Variants in PRKCB observed in about 807,000 individuals in gnomAD.
The protein encoded by PRKCB is protein kinase C beta.
A neutral mutation model predicts 81.5 loss-of-function variants in PRKCB; 13 were observed. That is an observed-to-expected ratio of 0.16 (90% CI 0.10 to 0.25). The LOEUF is 0.25. Among genes scored for constraint, PRKCB ranks in the 10% least tolerant of loss-of-function variants. The pLI, the probability that PRKCB is intolerant of heterozygous loss-of-function variation, is 1.00. For missense variants in PRKCB, 509 were observed against 875.7 expected (o/e 0.58, Z 5.29); for synonymous variants, 335 against 321.4 (o/e 1.04, Z -0.45).
intron 8 of PRKCB, among the ~76,000 whole-genome samples, chr16:24,114,255 C>T (rs1475184271): frequency 1.0e-4 from 14 of 137,226 alleles, no homozygotes; most frequent in African/African-American, 1.6e-4. Flanking sequence ...GGCAACAGAG[C>T]GAGACTTCAT....
chr16:23,858,992 G>A (rs769484729), intron 2 of PRKCB, among the ~76,000 whole-genome samples: 30 of 152,146 alleles, frequency 2.0e-4, no homozygotes, highest in Non-Finnish European at 2.1e-4. Flanking sequence ...TGAGCTAGGT[G>A]TGGTGGCTCG....
intron 16 of PRKCB, among the ~76,000 whole-genome samples, chr16:24,194,631 C>T (rs1036359591): frequency 2.0e-5 from 3 of 151,858 alleles, no homozygotes; most frequent in African/African-American, 7.3e-5. Flanking sequence ...TAGCCTCGTG[C>T]CTGGCTCATA....
At chr16:24,197,154 G>T (rs1053290280) in intron 16 of PRKCB, among the ~76,000 whole-genome samples, 3 of 152,208 alleles carry the variant, frequency 2.0e-5, no homozygotes, top group Admixed American at 6.5e-5. Context: ...CCTTCATGGA[G>T]CTTATATTCT....
chr16:24,096,915 T>TA (rs1567373055), intron 7 of PRKCB, among the ~76,000 whole-genome samples: 1 of 150,994 alleles, frequency 6.6e-6, no homozygotes, highest in Non-Finnish European at 1.5e-5. Flanking sequence ...TGAAAGAAAA[T>TA]AAAAATCAAA....
intron 7 of PRKCB, among the ~76,000 whole-genome samples, chr16:24,103,472 T>C (rs995921334): frequency 6.6e-6 from 1 of 152,242 alleles, no homozygotes; most frequent in African/African-American, 2.4e-5. Flanking sequence ...TGTTCAATGT[T>C]GTTAAAAGTT....
intron 16 of PRKCB, among the ~76,000 whole-genome samples, chr16:24,194,249 C>A (rs1043854360): frequency 6.6e-6 from 1 of 152,102 alleles, no homozygotes; most frequent in African/African-American, 2.4e-5. Flanking sequence ...ATCGCTTGAA[C>A]CTGGAGGCAG....
At chr16:24,105,211 C>A (rs1291674188) in intron 7 of PRKCB, among the ~76,000 whole-genome samples, 1 of 152,104 alleles carries the variant, frequency 6.6e-6, no homozygotes, top group Non-Finnish European at 1.5e-5. Context: ...CATGGGCCAC[C>A]ACACCCATCT....
intron 2 of PRKCB, among the ~76,000 whole-genome samples, chr16:23,976,155 A>T (rs1000291674): frequency 3.9e-5 from 6 of 152,092 alleles, no homozygotes; most frequent in Non-Finnish European, 8.8e-5. Context: ...AAAGAAAAAA[A>T]AATTCAGGTG....
intron 9 of PRKCB, among the ~76,000 whole-genome samples, chr16:24,144,134 A>G (rs1966952312): frequency 6.6e-6 from 1 of 150,580 alleles, no homozygotes; most frequent in South Asian, 2.1e-4. Flanking sequence ...TAGGAGAGAG[A>G]GAAAGAGAGA....
chr16:24,035,783 A>G (rs1174699179), intron 5 of PRKCB, among the ~76,000 whole-genome samples: 2 of 152,148 alleles, frequency 1.3e-5, no homozygotes, highest in African/African-American at 4.8e-5. Flanking sequence ...CCCCAGGCTG[A>G]CTTGGGTTCA....
At chr16:23,846,608 C>CAAAAAAAA in intron 2 of PRKCB, among the ~76,000 whole-genome samples, 1 of 65,328 alleles carries the variant, frequency 1.5e-5, no homozygotes, top group Non-Finnish European at 2.7e-5. Context: ...GACTCCGTCT[C>CAAAAAAAA]AAAAAAAAAA....
At chr16:24,114,815 AT>A (rs1247112305) in intron 8 of PRKCB, among the ~76,000 whole-genome samples, 2 of 152,128 alleles carry the variant, frequency 1.3e-5, no homozygotes, top group Admixed American at 1.3e-4. Flanking sequence ...AATGAAATTA[AT>A]TTTTATTATT....
intron 3 of PRKCB, among the ~76,000 whole-genome samples, chr16:24,005,518 C>T (rs1159492767): frequency 3.3e-5 from 5 of 152,124 alleles, no homozygotes; most frequent in Admixed American, 6.5e-5. Context: ...GTGGCGGTTC[C>T]GGCGTAATCG....
At chr16:24,111,479 C>A (rs1398934562) in intron 7 of PRKCB, among the ~76,000 whole-genome samples, 1 of 151,912 alleles carries the variant, frequency 6.6e-6, no homozygotes, top group Non-Finnish European at 1.5e-5. Flanking sequence ...AACTGAAGCC[C>A]CCATGTTTAT....
intron 8 of PRKCB, among the ~76,000 whole-genome samples, chr16:24,121,261 T>C (rs989283909): frequency 1.3e-5 from 2 of 152,228 alleles, no homozygotes; most frequent in African/African-American, 2.4e-5. Context: ...GAGGACCCAA[T>C]CCCAGCTAGA....
intron 16 of PRKCB, among the ~76,000 whole-genome samples, chr16:24,213,591 A>G (rs759440276): frequency 6.6e-6 from 1 of 152,246 alleles, no homozygotes; most frequent in Non-Finnish European, 1.5e-5. Flanking sequence ...CATAATAAAT[A>G]TCAGCAGTCA....
At chr16:24,009,899 C>A (rs1965179054) in intron 3 of PRKCB, among the ~76,000 whole-genome samples, 1 of 151,982 alleles carries the variant, frequency 6.6e-6, no homozygotes, top group Admixed American at 6.6e-5. Flanking sequence ...TATCTGTAAT[C>A]CCAGCTACTC....
chr16:24,142,182 G>A (rs1966911224), intron 9 of PRKCB, among the ~76,000 whole-genome samples: 1 of 152,138 alleles, frequency 6.6e-6, no homozygotes, highest in South Asian at 2.1e-4. Context: ...ATATGATAGA[G>A]TCAGGATTTG....
At chr16:24,148,060 G>T (rs1255689084) in intron 9 of PRKCB, among the ~76,000 whole-genome samples, 1 of 152,152 alleles carries the variant, frequency 6.6e-6, no homozygotes, top group Non-Finnish European at 1.5e-5. Flanking sequence ...AGAGATGGGA[G>T]TCAGCATCTG....
Sources: allele counts gnomAD v4.1 joint callset (sites outside exome capture counted in the v4.1 genomes callset), GRCh38; gene constraint gnomAD v4.1.1; transcripts MANE v1.5; gene names NCBI Gene and HGNC (gene_info 2026-07-23, HGNC 2026-07-21).